The following VPS13D variants were observed in gnomAD, a reference collection of about 807,000 sequenced individuals.
VPS13D encodes vacuolar protein sorting 13 homolog D.
A neutral mutation model predicts 461.9 loss-of-function variants in VPS13D; 187 were observed. That is an observed-to-expected ratio of 0.40 (90% CI 0.36 to 0.46). VPS13D has a LOEUF of 0.46. Among genes scored for constraint, VPS13D ranks in the 20% least tolerant of loss-of-function variants. The pLI is 0.60. For missense variants in VPS13D, 4,711 were observed against 5,364.9 expected, an observed-to-expected ratio of 0.88 and a Z score of 3.81; for synonymous variants, 1,951 against 1,986.3, an observed-to-expected ratio of 0.98 and a Z score of 0.47.
chr1:12,254,743 G>C (rs1289846194), intron 7 of VPS13D, among the ~76,000 whole-genome samples: 5 of 151,434 alleles, frequency 3.3e-5, no homozygotes, highest in Admixed American at 3.3e-4. Context: ...AGGCCGGCTG[G>C]TCTCGAACTC....
intron 61 of VPS13D, among the ~76,000 whole-genome samples, chr1:12,400,968 A>G (rs549827613): frequency 2.2e-3 from 308 of 137,090 alleles, no homozygotes; most frequent in Non-Finnish European, 2.3e-3. Context: ...GCGCGCACAC[A>G]CACACACACA....
Position 12,268,823 on chromosome 1 carries a change from A to G in VPS13D, c.1919A>G (p.Gln640Arg). The change falls in exon 16 of 70, where the codon CAG becomes CGG. Residue 640 changes from glutamine to arginine, a missense_variant. Gln to Arg is a conservative substitution (Grantham distance 43). Coordinates refer to ENST00000620676, the MANE Select transcript of VPS13D (RefSeq NM_015378.4). The stretch of plus-strand genomic sequence containing the variant: ...CCCTTGAACATCATATACAATCCGC[A>G]GGCCATTAAAAAAGTAGCAGACTTT... ...TRPLNIIYNPQAIKKVADFFY... is the reference protein window; with the variant it reads ...TRPLNIIYNPRAIKKVADFFY... 1.2e-6 allele frequency: 2 copies of G among 1,613,822 alleles called. No homozygotes were observed. The highest frequency in any genetic ancestry group is 1.7e-6 in the Non-Finnish European group (2 of 1,179,888).
At chr1:12,437,367 G>A (rs1171900784) in intron 65 of VPS13D, among the ~76,000 whole-genome samples, 1 of 152,156 alleles carries the variant, frequency 6.6e-6, no homozygotes, top group Non-Finnish European at 1.5e-5. Context: ...AAGGCAGGAC[G>A]AAAGGAGGGA....
At chr1:12,324,170 A>G (rs1373303739) in intron 35 of VPS13D, among the ~76,000 whole-genome samples, 1 of 152,114 alleles carries the variant, frequency 6.6e-6, no homozygotes. Flanking sequence ...TGGCCTCCCA[A>G]AATGCCGGGA....
chr1:12,419,866 C>T (rs1023952936), intron 65 of VPS13D, among the ~76,000 whole-genome samples: 5 of 152,180 alleles, frequency 3.3e-5, no homozygotes, highest in Admixed American at 6.5e-5. Context: ...AGTATACTTA[C>T]ACAAACCTAG....
At chr1:12,331,775 G>C (rs982103070) in intron 37 of VPS13D, among the ~76,000 whole-genome samples, 5 of 149,500 alleles carry the variant, frequency 3.3e-5, no homozygotes, top group African/African-American at 9.9e-5. Flanking sequence ...AGAAACTCTT[G>C]CATGTGGGAG....
chr1:12,382,361 C>T (rs973059889), intron 57 of VPS13D, among the ~76,000 whole-genome samples: 5 of 152,246 alleles, frequency 3.3e-5, no homozygotes, highest in Admixed American at 6.5e-5. Flanking sequence ...CTTGGCCTCC[C>T]GAAGTGCTGG....
chr1:12,309,262 G>C (rs1283134880), intron 27 of VPS13D, among the ~76,000 whole-genome samples: 3 of 146,804 alleles, frequency 2.0e-5, no homozygotes, highest in Non-Finnish European at 4.5e-5. Flanking sequence ...CCAGGCTGGA[G>C]TATAGTGGCG....
At chr1:12,359,022 C>T (rs1643913229) in intron 50 of VPS13D, among the ~76,000 whole-genome samples, 4 of 152,078 alleles carry the variant, frequency 2.6e-5, no homozygotes, top group Admixed American at 2.6e-4. Context: ...GTTAAGTGAC[C>T]TGCCTAGATG....
chr1:12,304,361 G>A, intron 25 of VPS13D, 145 bp from the exon 26 acceptor site: 2 of 692,608 alleles, frequency 2.9e-6, no homozygotes, highest in South Asian at 2.0e-5. Flanking sequence ...GGATCTGGGA[G>A]GCTGAGGGAA....
intron 26 of VPS13D, among the ~76,000 whole-genome samples, chr1:12,307,127 G>A (rs574383581): frequency 2.6e-5 from 4 of 152,256 alleles, no homozygotes; most frequent in East Asian, 1.9e-4. Context: ...CAGTGCCCAC[G>A]TAATGCCAGG....
chr1:12,304,698 C>A lies in VPS13D; in HGVS notation c.6409C>A (p.Leu2137Met). Residue 2137 changes from leucine to methionine, a missense_variant, in exon 26 of 70, where the codon CTG becomes ATG. Leu to Met is a conservative substitution (Grantham distance 15). This residue lies in a region of VPS13D where 4,411 missense variants were observed against 4,937.8 expected (regional missense o/e 0.89). Coordinates refer to ENST00000620676, the MANE Select transcript of VPS13D (RefSeq NM_015378.4). ...CAAGCAGCAAGGGCCGCAACCCACA[C>A]TGTCTGTTGGCCAAGAGTCCAGTAG... Reference protein sequence around the residue: ...STKQQGPQPTLSVGQESSSPE... With the variant: ...STKQQGPQPTMSVGQESSSPE... The A allele has an allele frequency of 6.2e-7, 1 of 1,613,918 alleles. No individual in the cohort carries two copies. The highest frequency in any genetic ancestry group is 8.5e-7 in the Non-Finnish European group (1 of 1,180,014).
rs146724928 is a variant in VPS13D, at chr1:12,511,291, C to CG, written c.*2271dup. On this transcript the variant is annotated 3_prime_UTR_variant, in exon 70 of 70. Coordinates refer to ENST00000620676, the MANE Select transcript of VPS13D (RefSeq NM_015378.4). This position sits in a 1 kb window ranked among gnomAD's most constrained non-coding sequence, Gnocchi z 4.5. Reference sequence around the variant, plus strand: ...AATGGAATCCAAAGACCACCTAGGGCGGGGCTGGGTGGGAGATGGGAGGGC... The same window carrying CG: ...AATGGAATCCAAAGACCACCTAGGGCGGGGGCTGGGTGGGAGATGGGAGGGC... 0.015 allele frequency: 2,120 copies of CG among 140,494 alleles called. 19 individuals are homozygous for CG. The highest frequency in any genetic ancestry group is 0.025 in the Non-Finnish European group (1,601 of 64,200). The allele number at this position is 140,494 out of a possible 1,614,324, so 8.7% of individuals were successfully genotyped here. A position where few individuals can be genotyped will look rare whatever the true frequency, so the allele number is the denominator to read the frequency against.
intron 40 of VPS13D, 94 bp from the exon 41 acceptor site, chr1:12,341,685 CA>C: frequency 9.1e-7 from 1 of 1,104,576 alleles, no homozygotes; most frequent in Non-Finnish European, 1.3e-6. Flanking sequence ...CCCCTTTGCA[CA>C]AGAGACAAAT....
At position 12,463,066 on chromosome 1, in the gene VPS13D, GA is replaced by G. The variant is rs370067896; in HGVS notation, c.12662+2681del. Among the ~76,000 whole-genome samples the G allele has an allele frequency of 7.7e-4, 112 of 144,854 alleles. 1 individual carries two copies. The highest frequency in any genetic ancestry group is 2.9e-3 in the Admixed American group (42 of 14,568). On this transcript the variant is annotated intron_variant, in intron 67 of 69. Coordinates refer to ENST00000620676, the MANE Select transcript of VPS13D (RefSeq NM_015378.4). Reference sequence around the variant, plus strand: ...AACTTTGTAGGCTGCAGAAAAAAAGGAAAAAAAAAAACAACAACAACAAAGT... The same window carrying G: ...AACTTTGTAGGCTGCAGAAAAAAAGGAAAAAAAAAACAACAACAACAAAGT...
chr1:12,313,054 C>T (rs1222897841), intron 29 of VPS13D, among the ~76,000 whole-genome samples: 4 of 152,074 alleles, frequency 2.6e-5, no homozygotes, highest in Non-Finnish European at 5.9e-5. Context: ...GTAAGCTGGG[C>T]GTACATCACT....
At chr1:12,242,880 C>T (rs1183823538) in intron 3 of VPS13D, among the ~76,000 whole-genome samples, 1 of 152,168 alleles carries the variant, frequency 6.6e-6, no homozygotes, top group East Asian at 1.9e-4. Flanking sequence ...CTTATGTTTA[C>T]TCAAGTGTGA....
intron 57 of VPS13D, among the ~76,000 whole-genome samples, chr1:12,381,921 C>CTTTTCT (rs1644278962): frequency 2.5e-5 from 2 of 80,896 alleles, no homozygotes; most frequent in Non-Finnish European, 6.0e-5. Flanking sequence ...TCTTTCTTTT[C>CTTTTCT]TTTTCTTTCT....
chr1:12,234,347 A>G lies in VPS13D; in HGVS notation c.81A>G (p.Ser27=), dbSNP rs112917304. 2 of 1,613,752 alleles carry G rather than the reference A, an allele frequency of 1.2e-6. No homozygotes were observed. The highest frequency in any genetic ancestry group is 1.7e-6 in the Non-Finnish European group (2 of 1,179,706). The change falls in exon 2 of 70, where the codon TCA becomes TCG. Residue 27 remains serine, a synonymous_variant. Transcript: ENST00000620676. Reference sequence around the variant, plus strand: ...ATAACCTGAACACTGACCAGCTCTCAGTTGCACTTCTCAAAGGTGAGTATT... The same window carrying G: ...ATAACCTGAACACTGACCAGCTCTCGGTTGCACTTCTCAAAGGTGAGTATT... ...YVNNLNTDQL[S]VALLKGAVEL... is the part of the protein sequence containing the mutation.
Sources: allele counts gnomAD v4.1 joint callset (sites outside exome capture counted in the v4.1 genomes callset), GRCh38; gene constraint gnomAD v4.1.1; regional missense constraint gnomAD v4.1.1; non-coding constraint Gnocchi (gnomAD v3.1); transcripts MANE v1.5; gene names NCBI Gene and HGNC (gene_info 2026-07-23, HGNC 2026-07-21).